Variants in MICAL3 observed in about 807,000 individuals in gnomAD.
The protein encoded by MICAL3 is microtubule associated monooxygenase, calponin and LIM domain containing 3, also known as [F-actin]-monooxygenase MICAL3.
Under a neutral mutation model 207.4 loss-of-function variants are expected in MICAL3, and 62 were observed. The ratio of observed to expected loss-of-function variants is 0.30; its 90% CI spans 0.24 to 0.37. The LOEUF is 0.37. Ranked by LOEUF, MICAL3 falls within the 10% of genes least tolerant of loss-of-function variation. The pLI is 1.00. For synonymous variants in MICAL3, 1,077 were observed against 1,069.3 expected, an observed-to-expected ratio of 1.01 and a Z score of -0.14; for missense variants, 2,368 against 2,635.6, an observed-to-expected ratio of 0.90 and a Z score of 2.22.
chr22:18,011,435 C>T (rs1443949269), intron 1 of MICAL3, among the ~76,000 whole-genome samples: 2 of 152,096 alleles, frequency 1.3e-5, no homozygotes, highest in Admixed American at 1.3e-4. Context: ...ATCCCAGCTA[C>T]TCGGGAGGCT....
At chr22:17,928,438 C>CAA (rs371390135) in intron 1 of MICAL3, among the ~76,000 whole-genome samples, 12 of 144,652 alleles carry the variant, frequency 8.3e-5, no homozygotes, top group African/African-American at 2.9e-4. Context: ...GACTCCGTCT[C>CAA]AAAAAAAAAG....
chr22:17,925,466 C>T (rs1330244549), intron 1 of MICAL3, among the ~76,000 whole-genome samples: 1 of 152,112 alleles, frequency 6.6e-6, no homozygotes, highest in Non-Finnish European at 1.5e-5. Context: ...TAATATCTCC[C>T]AAACCTGAAG....
intron 1 of MICAL3, among the ~76,000 whole-genome samples, chr22:17,930,899 C>A (rs1933217703): frequency 6.6e-6 from 1 of 152,234 alleles, no homozygotes; most frequent in African/African-American, 2.4e-5. Flanking sequence ...GCCCTGCTGG[C>A]CAATCACAGG....
intron 16 of MICAL3, among the ~76,000 whole-genome samples, chr22:17,874,256 G>A (rs1283513862): frequency 6.6e-6 from 1 of 152,146 alleles, no homozygotes; most frequent in East Asian, 1.9e-4. Flanking sequence ...AGACAAACAC[G>A]TGGCTCTCAG....
chr22:17,879,936 G>A (rs1191984925), intron 16 of MICAL3, among the ~76,000 whole-genome samples: 4 of 152,186 alleles, frequency 2.6e-5, no homozygotes, highest in Admixed American at 6.5e-5. Flanking sequence ...GCGAATGGAC[G>A]GGAAGGTATA....
intron 25 of MICAL3, 67 bp downstream of exon 25, chr22:17,821,360 G>A: frequency 7.2e-7 from 1 of 1,385,028 alleles, no homozygotes; most frequent in East Asian, 2.7e-5. Flanking sequence ...CTGAAACAGA[G>A]AAGTTAATAT....
intron 21 of MICAL3, among the ~76,000 whole-genome samples, chr22:17,828,158 G>T (rs1922407098): frequency 1.3e-5 from 2 of 152,228 alleles, no homozygotes; most frequent in African/African-American, 4.8e-5. Context: ...TGCAGGCCCA[G>T]CCCCAAGGGG....
intron 1 of MICAL3, among the ~76,000 whole-genome samples, chr22:17,914,262 G>C (rs776154321): frequency 2.2e-5 from 3 of 135,346 alleles, no homozygotes; most frequent in African/African-American, 7.4e-5. Flanking sequence ...GCGTGAGAAT[G>C]GCATTGGGTG....
At chr22:17,938,039 A>G (rs1267413574) in intron 1 of MICAL3, among the ~76,000 whole-genome samples, 2 of 152,174 alleles carry the variant, frequency 1.3e-5, no homozygotes, top group African/African-American at 4.8e-5. Flanking sequence ...TGCTGATTAT[A>G]GTATCTATCT....
intron 1 of MICAL3, among the ~76,000 whole-genome samples, chr22:17,975,119 G>A (rs1056784869): frequency 6.6e-6 from 1 of 152,184 alleles, no homozygotes; most frequent in African/African-American, 2.4e-5. Flanking sequence ...TGAAAGAACT[G>A]TCAGTCTCAG....
intron 27 of MICAL3, 34 bp downstream of exon 27, chr22:17,816,656 C>T: frequency 6.8e-7 from 1 of 1,465,926 alleles, no homozygotes; most frequent in Non-Finnish European, 9.4e-7. Context: ...GACAGGGCCC[C>T]AGGCCCTGTG....
At chr22:17,961,920 G>A (rs1439788200) in intron 1 of MICAL3, among the ~76,000 whole-genome samples, 2 of 152,188 alleles carry the variant, frequency 1.3e-5, no homozygotes, top group Admixed American at 1.3e-4. Flanking sequence ...CACAAGATCA[G>A]CCTTTGAAAA....
intron 1 of MICAL3, 126 bp from the exon 2 acceptor site, chr22:17,907,012 C>T (rs1389325335): frequency 1.9e-6 from 1 of 526,672 alleles, no homozygotes; most frequent in Admixed American, 3.3e-5. Context: ...GTGGACTGCA[C>T]ACCTGCAATA....
At chr22:17,965,576 G>A (rs929705062) in intron 1 of MICAL3, among the ~76,000 whole-genome samples, 2 of 152,194 alleles carry the variant, frequency 1.3e-5, no homozygotes, top group Non-Finnish European at 2.9e-5. Context: ...GTCACTGTGA[G>A]TTAAGTATTT....
chr22:17,872,117 C>T, intron 16 of MICAL3, 94 bp from the exon 17 acceptor site: 1 of 1,078,628 alleles, frequency 9.3e-7, no homozygotes, highest in Non-Finnish European at 1.3e-6. Context: ...CAAAGCCAAC[C>T]CTCACTAAGG....
At chr22:17,987,385 G>A (rs999133688) in intron 1 of MICAL3, among the ~76,000 whole-genome samples, 2 of 152,234 alleles carry the variant, frequency 1.3e-5, no homozygotes, top group African/African-American at 4.8e-5. Context: ...AGGCAGCAGG[G>A]ACTGGCAGGA....
chr22:17,974,761 A>T (rs1691725146), intron 1 of MICAL3, among the ~76,000 whole-genome samples: 1 of 149,404 alleles, frequency 6.7e-6, no homozygotes, highest in Admixed American at 6.6e-5. Flanking sequence ...TGTGCCACTG[A>T]GTCCTGGTTA....
intron 17 of MICAL3, among the ~76,000 whole-genome samples, chr22:17,867,208 A>G (rs969968256): frequency 1.3e-5 from 2 of 151,614 alleles, no homozygotes; most frequent in Admixed American, 1.3e-4. Flanking sequence ...ATTTTAAATA[A>G]TTTTCATAAT....
At chr22:17,934,570 C>T (rs1030286417) in intron 1 of MICAL3, among the ~76,000 whole-genome samples, 8 of 152,290 alleles carry the variant, frequency 5.3e-5, no homozygotes, top group African/African-American at 1.9e-4. Context: ...CCCTCTCTCA[C>T]CACTCCTATT....
Sources: gnomAD v4.1 joint callset for allele counts (sites outside exome capture counted in the v4.1 genomes callset) on GRCh38, gnomAD v4.1.1 for gene constraint, MANE v1.5 for transcripts, NCBI Gene and HGNC (gene_info 2026-07-23, HGNC 2026-07-21) for gene names.